The following MGAT4C variants were observed in gnomAD, a reference collection of about 807,000 sequenced individuals.
The protein encoded by MGAT4C is MGAT4 family member C.
Under a neutral mutation model 40.1 loss-of-function variants are expected in MGAT4C, and 19 were observed. That is an observed-to-expected ratio of 0.47 (90% CI 0.33 to 0.70). The LOEUF is 0.70. MGAT4C is among the 30% of genes least tolerant of loss of function. MGAT4C has a pLI of 0.02. For synonymous variants in MGAT4C, 181 were observed against 187.1 expected (o/e 0.97, Z 0.27); for missense variants, 491 against 563.2 (o/e 0.87, Z 1.30).
At chr12:86,090,514 A>G (rs1362735129) in intron 1 of MGAT4C, among the ~76,000 whole-genome samples, 3 of 151,774 alleles carry the variant, frequency 2.0e-5, no homozygotes, top group African/African-American at 7.2e-5. Context: ...TTGAGTGTAA[A>G]TATTAATGTT....
intron 3 of MGAT4C, among the ~76,000 whole-genome samples, chr12:86,371,262 G>A (rs573357437): frequency 2.8e-4 from 43 of 152,032 alleles, no homozygotes; most frequent in African/African-American, 8.7e-4. Context: ...CTTTAACTCA[G>A]TCATTTCTCT....
At chr12:86,612,558 T>C (rs1962319318) in intron 2 of MGAT4C, among the ~76,000 whole-genome samples, 1 of 151,992 alleles carries the variant, frequency 6.6e-6, no homozygotes, top group Non-Finnish European at 1.5e-5. Context: ...GAGACCAGCC[T>C]GGCCAACATG....
chr12:86,531,720 ATT>A (rs1187997844), intron 2 of MGAT4C, among the ~76,000 whole-genome samples: 5 of 151,872 alleles, frequency 3.3e-5, no homozygotes, highest in African/African-American at 1.2e-4. Context: ...ATGTTTGCAG[ATT>A]TTTTGTTAGG....
chr12:86,748,837 G>C (rs1951192675), intron 1 of MGAT4C, among the ~76,000 whole-genome samples: 1 of 151,288 alleles, frequency 6.6e-6, no homozygotes, highest in South Asian at 2.1e-4. Flanking sequence ...TATATTAGTA[G>C]GTAATTCAGC....
chr12:86,005,096 G>T (rs1410181286), intron 2 of MGAT4C, among the ~76,000 whole-genome samples: 1 of 152,096 alleles, frequency 6.6e-6, no homozygotes, highest in Non-Finnish European at 1.5e-5. Flanking sequence ...ACCTGCCCCA[G>T]TCACCAGCCT....
chr12:86,077,150 C>T (rs1185203878), intron 1 of MGAT4C, among the ~76,000 whole-genome samples: 1 of 152,170 alleles, frequency 6.6e-6, no homozygotes, highest in Non-Finnish European at 1.5e-5. Flanking sequence ...AGGATTAGAA[C>T]TTTGTATCCT....
At chr12:86,006,641 T>A (rs1887908320) in intron 2 of MGAT4C, among the ~76,000 whole-genome samples, 2 of 152,178 alleles carry the variant, frequency 1.3e-5, no homozygotes, top group South Asian at 4.1e-4. Flanking sequence ...GCACTTACCC[T>A]GTAGAGTCGG....
At chr12:86,355,613 T>C (rs1301381943) in intron 3 of MGAT4C, among the ~76,000 whole-genome samples, 1 of 152,066 alleles carries the variant, frequency 6.6e-6, no homozygotes, top group Non-Finnish European at 1.5e-5. Context: ...ATGTTGAAAG[T>C]GTTGAAAGAA....
At chr12:86,735,425 A>T (rs1393832290) in intron 1 of MGAT4C, among the ~76,000 whole-genome samples, 6 of 151,896 alleles carry the variant, frequency 4.0e-5, no homozygotes, top group Non-Finnish European at 7.4e-5. Context: ...AGGGGGAGGT[A>T]GACACGGAAG....
chr12:86,405,034 A>G (rs1365771158), intron 3 of MGAT4C, among the ~76,000 whole-genome samples: 1 of 152,066 alleles, frequency 6.6e-6, no homozygotes, highest in African/African-American at 2.4e-5. Flanking sequence ...GTGAAATTAC[A>G]TAAAAGAAAC....
At chr12:86,835,731 A>G (rs997708891) in intron 1 of MGAT4C, among the ~76,000 whole-genome samples, 5 of 152,040 alleles carry the variant, frequency 3.3e-5, no homozygotes, top group Admixed American at 2.6e-4. Context: ...AATTTTATCT[A>G]TGCGTAAGTA....
chr12:86,624,671 G>A (rs1962744882), intron 2 of MGAT4C, among the ~76,000 whole-genome samples: 1 of 151,952 alleles, frequency 6.6e-6, no homozygotes, highest in Non-Finnish European at 1.5e-5. Flanking sequence ...GGGAAGGGAG[G>A]AATCTTTAGT....
chr12:86,460,350 A>G (rs1019322985), intron 2 of MGAT4C, among the ~76,000 whole-genome samples: 2 of 152,308 alleles, frequency 1.3e-5, no homozygotes, highest in East Asian at 3.9e-4. Flanking sequence ...TCCTATGTTA[A>G]GAGTATACTG....
chr12:86,731,873 T>A (rs1041494686), intron 1 of MGAT4C, among the ~76,000 whole-genome samples: 1 of 152,130 alleles, frequency 6.6e-6, no homozygotes, highest in Non-Finnish European at 1.5e-5. Context: ...AGGCTGTTTT[T>A]TAGCTAGAAG....
At position 86,828,350 on chromosome 12, in the gene MGAT4C, A is replaced by T. The variant is rs1040433546; in HGVS notation, c.-262+10316T>A. 4.6e-5 allele frequency among the ~76,000 whole-genome samples: 7 copies of T among 151,482 alleles called. No homozygotes were observed. In the East Asian group the frequency reaches 1.4e-3, roughly 29 times the overall value. ...ATATGTTAAACAAGTAAGGTAATTT[A>T]TATCTAAAATAAGTAATCTAATCTT... On this transcript the variant is annotated intron_variant, in intron 1 of 7. Transcript: ENST00000548651.
At chr12:86,107,442 G>T (rs910166275) in intron 1 of MGAT4C, among the ~76,000 whole-genome samples, 1 of 151,578 alleles carries the variant, frequency 6.6e-6, no homozygotes, top group Non-Finnish European at 1.5e-5. Flanking sequence ...ACAGAATAAG[G>T]GTAAATCAGT....
intron 1 of MGAT4C, among the ~76,000 whole-genome samples, chr12:86,238,463 T>G (rs2136036328): frequency 6.6e-6 from 1 of 151,924 alleles, no homozygotes; most frequent in East Asian, 1.9e-4. Flanking sequence ...AGTCATAAGG[T>G]TTATTTGAAT....
chr12:86,743,766 C>A (rs1951110344), intron 1 of MGAT4C, among the ~76,000 whole-genome samples: 1 of 151,636 alleles, frequency 6.6e-6, no homozygotes, highest in Admixed American at 6.6e-5. Context: ...ACTTAGACAG[C>A]TGACTCCTGA....
chr12:86,815,786 C>G (rs1259518580), intron 1 of MGAT4C, among the ~76,000 whole-genome samples: 1 of 148,250 alleles, frequency 6.7e-6, no homozygotes, highest in Non-Finnish European at 1.5e-5. Context: ...TATGTTCTCA[C>G]TGACATGTGA....
Sources: allele counts gnomAD v4.1 joint callset (sites outside exome capture counted in the v4.1 genomes callset), GRCh38; gene constraint gnomAD v4.1.1; transcripts MANE v1.5; gene names NCBI Gene and HGNC (gene_info 2026-07-23, HGNC 2026-07-21).